The following TRABD2B variants were observed in gnomAD, a reference collection of about 807,000 sequenced individuals.
TRABD2B encodes metalloprotease TIKI2.
A neutral mutation model predicts 40.1 loss-of-function variants in TRABD2B; 14 were observed. That is an observed-to-expected ratio of 0.35 (90% confidence interval 0.23 to 0.55). The LOEUF (loss-of-function observed/expected upper bound fraction) is 0.55. Among genes scored for constraint, TRABD2B ranks in the 20% least tolerant of loss-of-function variants. The pLI is 0.90. For missense variants in TRABD2B, 541 were observed against 648.6 expected (o/e 0.83, Z 1.80); for synonymous variants, 263 against 277.0 (o/e 0.95, Z 0.50).
intron 2 of TRABD2B, among the ~76,000 whole-genome samples, chr1:47,992,162 A>C (rs1051183041): frequency 2.0e-5 from 3 of 152,148 alleles, no homozygotes; most frequent in African/African-American, 7.2e-5. Flanking sequence ...CAATTTTAAG[A>C]GTGGGCCCAG....
intron 2 of TRABD2B, among the ~76,000 whole-genome samples, chr1:47,961,857 T>C (rs1645521168): frequency 6.6e-6 from 1 of 152,196 alleles, no homozygotes; most frequent in Admixed American, 6.5e-5. Context: ...CCCATCTCAT[T>C]ACTGGGTATA....
chr1:47,877,096 G>GA (rs1197049389), intron 2 of TRABD2B, among the ~76,000 whole-genome samples: 1 of 151,884 alleles, frequency 6.6e-6, no homozygotes, highest in Non-Finnish European at 1.5e-5. Flanking sequence ...ATGGGGACAG[G>GA]AAAGAGGCAC....
chr1:47,770,840 A>G (rs1644368138), intron 6 of TRABD2B, among the ~76,000 whole-genome samples: 1 of 152,244 alleles, frequency 6.6e-6, no homozygotes, highest in Admixed American at 6.5e-5. Context: ...GGGGCTGGTC[A>G]TCTCAGACCA....
At chr1:47,827,370 TA>T (rs1645190339) in intron 2 of TRABD2B, among the ~76,000 whole-genome samples, 1 of 152,226 alleles carries the variant, frequency 6.6e-6, no homozygotes, top group Non-Finnish European at 1.5e-5. Flanking sequence ...TGGGACCACC[TA>T]GGTTGGAATG....
chr1:47,981,391 A>C (rs1283847802), intron 2 of TRABD2B, among the ~76,000 whole-genome samples: 1 of 152,216 alleles, frequency 6.6e-6, no homozygotes, highest in Non-Finnish European at 1.5e-5. Context: ...TTTAAACTCC[A>C]GATCCTCCAC....
At position 47,994,672 on chromosome 1, in the gene TRABD2B, T is replaced by C. The variant is rs1038543363; in HGVS notation, c.103-75A>G. On this transcript the variant is annotated intron_variant, in intron 1 of 6. Coordinates refer to ENST00000606738, the MANE Select transcript of TRABD2B (RefSeq NM_001194986.2). The surrounding 1 kb of genome is among the most constrained non-coding windows in gnomAD (Gnocchi z 6.7). ...AGAGTCAGGGTAGCCCAGAGGCACG[T>C]TGCAGAGGGAGGTGGGGATGGGAGG... The C allele has an allele frequency of 1.3e-5, 17 of 1,350,456 alleles. No individual in the cohort carries two copies. The Admixed American group carries it at 2.0e-4, about 16-fold the overall frequency. The allele number at this position is 1,350,456 out of a possible 1,614,324, so 83.7% of individuals were successfully genotyped here. A position where few individuals can be genotyped will look rare whatever the true frequency, so the allele number is the denominator to read the frequency against.
intron 2 of TRABD2B, among the ~76,000 whole-genome samples, chr1:47,857,039 G>A (rs149141469): frequency 2.8e-4 from 42 of 152,360 alleles, no homozygotes; most frequent in East Asian, 1.7e-3. Context: ...CCAGGTGACC[G>A]CAGTAGCACT....
intron 2 of TRABD2B, among the ~76,000 whole-genome samples, chr1:47,966,922 A>ATAAAAT (rs1428033429): frequency 2.0e-5 from 3 of 151,498 alleles, no homozygotes; most frequent in Admixed American, 2.0e-4. Flanking sequence ...ATAAAATAAA[A>ATAAAAT]TAAAATAAAA....
At chr1:47,984,016 T>C (rs1480188751) in intron 2 of TRABD2B, among the ~76,000 whole-genome samples, 1 of 152,196 alleles carries the variant, frequency 6.6e-6, no homozygotes, top group Admixed American at 6.5e-5. Context: ...TCCGCTGATA[T>C]CATTCTAAAA....
chr1:47,950,322 A>G (rs976158108), intron 2 of TRABD2B, among the ~76,000 whole-genome samples: 2 of 152,020 alleles, frequency 1.3e-5, no homozygotes, highest in African/African-American at 4.8e-5. Context: ...GAAAGAAGAG[A>G]GAGGTAAGGT....
intron 2 of TRABD2B, among the ~76,000 whole-genome samples, chr1:47,839,279 G>T (rs911857553): frequency 1.3e-5 from 2 of 152,122 alleles, no homozygotes; most frequent in African/African-American, 2.4e-5. Flanking sequence ...CAAGCAGAGT[G>T]GGCACGGGGA....
At chr1:47,794,797 T>A in intron 3 of TRABD2B, 37 bp from the exon 4 acceptor site, 1 of 1,450,812 alleles carries the variant, frequency 6.9e-7, no homozygotes, top group Non-Finnish European at 9.0e-7. Flanking sequence ...TCAGTTTTTT[T>A]TTTTTTTTTT....
At chr1:47,925,854 C>T (rs1488919894) in intron 2 of TRABD2B, among the ~76,000 whole-genome samples, 1 of 152,198 alleles carries the variant, frequency 6.6e-6, no homozygotes, top group Non-Finnish European at 1.5e-5. Flanking sequence ...GTCTAAGCTG[C>T]CATGGTGCAG....
At chr1:47,817,773 C>T (rs1384771887) in intron 2 of TRABD2B, among the ~76,000 whole-genome samples, 1 of 152,132 alleles carries the variant, frequency 6.6e-6, no homozygotes, top group Non-Finnish European at 1.5e-5. Flanking sequence ...TCTCTTGTGG[C>T]CAGACTCCCA....
chr1:47,849,887 C>A (rs558743880), intron 2 of TRABD2B, among the ~76,000 whole-genome samples: 1 of 152,310 alleles, frequency 6.6e-6, no homozygotes, highest in East Asian at 1.9e-4. Context: ...AAAGTAGAAT[C>A]CCCTGATGGG....
intron 2 of TRABD2B, among the ~76,000 whole-genome samples, chr1:47,902,997 C>T (rs1410564724): frequency 6.6e-6 from 1 of 152,268 alleles, no homozygotes; most frequent in South Asian, 2.1e-4. Flanking sequence ...GCCCCTTCTG[C>T]CTGGAAAGTC....
intron 2 of TRABD2B, among the ~76,000 whole-genome samples, chr1:47,839,325 A>G (rs946821874): frequency 6.6e-6 from 1 of 152,080 alleles, no homozygotes; most frequent in Non-Finnish European, 1.5e-5. Flanking sequence ...GCACACCTCC[A>G]CTGCAAGTGC....
chr1:47,863,646 T>C (rs1644011248), intron 2 of TRABD2B, among the ~76,000 whole-genome samples: 1 of 152,166 alleles, frequency 6.6e-6, no homozygotes, highest in Non-Finnish European at 1.5e-5. Context: ...TCTCATACAT[T>C]GCTGATGGGA....
In TRABD2B at chr1:47,813,490, T is replaced by G. The variant is rs1644991717; in HGVS notation, c.667-11871A>C. 6.6e-6 allele frequency among the ~76,000 whole-genome samples: 1 copy of G among 152,180 alleles called. No individual in the cohort carries two copies. Among genetic ancestry groups the G allele is most frequent in the South Asian group, 2.1e-4 (1 of 4,824 alleles). Reference sequence around the variant, plus strand: ...CAAACAGCAGCTGAAAGGGCAGAGATCTGACCCAGTTTTAAACCTAGGACC... The same window carrying G: ...CAAACAGCAGCTGAAAGGGCAGAGAGCTGACCCAGTTTTAAACCTAGGACC... On this transcript the variant is annotated intron_variant, in intron 2 of 6. Transcript: ENST00000606738. This position sits in a 1 kb window ranked among gnomAD's most constrained non-coding sequence, Gnocchi z 4.3.
Sources: gnomAD v4.1 joint callset for allele counts (sites outside exome capture counted in the v4.1 genomes callset) on GRCh38, gnomAD v4.1.1 for gene constraint, Gnocchi (gnomAD v3.1) non-coding constraint, MANE v1.5 for transcripts, NCBI Gene and HGNC (gene_info 2026-07-23, HGNC 2026-07-21) for gene names.